The following AIG1 variants were observed in gnomAD, a reference collection of about 807,000 sequenced individuals.
The protein encoded by AIG1 is androgen-induced gene 1 protein.
AIG1 carries 23 observed loss-of-function variants against 31.4 expected under a neutral mutation model. The observed-to-expected ratio is 0.73, with a 90% CI of 0.53 to 1.04. The LOEUF (loss-of-function observed/expected upper bound fraction) is 1.04. Ranked by LOEUF, AIG1 falls within the 50% of genes least tolerant of loss-of-function variation. The probability of loss-of-function intolerance (pLI) is 0.00; values close to 1 mark genes in which losing one functional copy is unlikely to be tolerated. For missense variants in AIG1, 274 were observed against 295.0 expected (o/e 0.93, Z 0.52); for synonymous variants, 100 against 110.5 (o/e 0.90, Z 0.60).
intron 5 of AIG1, 116 bp from the exon 6 acceptor site, chr6:143,339,523 A>G: frequency 2.0e-6 from 2 of 1,021,016 alleles, no homozygotes; most frequent in Non-Finnish European, 2.9e-6. Flanking sequence ...AGGAGGGTGA[A>G]TGGGAGAAGT....
At chr6:143,158,658 G>A (rs956734840) in intron 2 of AIG1, among the ~76,000 whole-genome samples, 5 of 152,126 alleles carry the variant, frequency 3.3e-5, no homozygotes, top group Non-Finnish European at 7.3e-5. Context: ...GGTGAGGGAC[G>A]AGCTATCTCA....
intron 3 of AIG1, among the ~76,000 whole-genome samples, chr6:143,278,030 A>G (rs890112159): frequency 2.6e-5 from 4 of 152,232 alleles, no homozygotes; most frequent in Admixed American, 2.6e-4. Flanking sequence ...GATTATTCCA[A>G]AACTTCTCTG....
At chr6:143,315,834 C>G (rs1349247549) in intron 4 of AIG1, among the ~76,000 whole-genome samples, 1 of 151,968 alleles carries the variant, frequency 6.6e-6, no homozygotes, top group Non-Finnish European at 1.5e-5. Flanking sequence ...GTTACATAAT[C>G]ATAATAATCA....
chr6:143,190,539 A>G (rs1310887942), intron 3 of AIG1: 32 of 985,028 alleles, frequency 3.2e-5, no homozygotes, highest in Non-Finnish European at 3.9e-5. Flanking sequence ...CTTTTTAAGA[A>G]TCATATGAGA....
chr6:143,089,505 T>G (rs2128474830), intron 1 of AIG1, among the ~76,000 whole-genome samples: 1 of 152,306 alleles, frequency 6.6e-6, no homozygotes. Flanking sequence ...ATAGGATTGT[T>G]GTGAGGATTA....
chr6:143,071,994 A>G (rs1278737604), intron 1 of AIG1, among the ~76,000 whole-genome samples: 3 of 151,272 alleles, frequency 2.0e-5, no homozygotes, highest in Non-Finnish European at 4.4e-5. Context: ...GCTTTGCTGC[A>G]TTACCCAGGC....
intron 3 of AIG1, among the ~76,000 whole-genome samples, chr6:143,218,675 T>G (rs188299386): frequency 6.6e-6 from 1 of 152,300 alleles, no homozygotes; most frequent in Non-Finnish European, 1.5e-5. Context: ...TGATACAAGA[T>G]GGCGATTCTT....
At chr6:143,172,153 T>C (rs893503893) in intron 3 of AIG1, among the ~76,000 whole-genome samples, 5 of 152,200 alleles carry the variant, frequency 3.3e-5, no homozygotes, top group African/African-American at 9.7e-5. Flanking sequence ...ACTCTGTTGA[T>C]TGTTTCTTTT....
intron 1 of AIG1, among the ~76,000 whole-genome samples, chr6:143,130,228 T>G (rs555430611): frequency 6.6e-6 from 1 of 152,060 alleles, no homozygotes; most frequent in East Asian, 1.9e-4. Flanking sequence ...CGCGCCCTGC[T>G]GATAGATACT....
At chr6:143,068,630 A>G (rs1583053692) in intron 1 of AIG1, among the ~76,000 whole-genome samples, 2 of 152,380 alleles carry the variant, frequency 1.3e-5, no homozygotes, top group African/African-American at 2.4e-5. Context: ...CATACTTATT[A>G]TAGAAAATTT....
chr6:143,167,362 G>A (rs1199128604), intron 3 of AIG1, among the ~76,000 whole-genome samples: 1 of 152,170 alleles, frequency 6.6e-6, no homozygotes, highest in Non-Finnish European at 1.5e-5. Flanking sequence ...GTATTAAAGG[G>A]AGACTCTTGA....
At chr6:143,272,576 A>G (rs930365601) in intron 3 of AIG1, among the ~76,000 whole-genome samples, 5 of 152,218 alleles carry the variant, frequency 3.3e-5, no homozygotes, top group Non-Finnish European at 7.3e-5. Flanking sequence ...TAACTGAGGA[A>G]GCATAGAAAT....
chr6:143,310,996 T>C (rs1200955244), intron 4 of AIG1, among the ~76,000 whole-genome samples: 2 of 151,956 alleles, frequency 1.3e-5, no homozygotes, highest in African/African-American at 4.8e-5. Context: ...ATGGCTTCAC[T>C]GGCAAATCCT....
chr6:143,134,176 A>G (rs187684244), intron 1 of AIG1, among the ~76,000 whole-genome samples: 130 of 152,174 alleles, frequency 8.5e-4, no homozygotes, highest in African/African-American at 3.0e-3. Context: ...AGTATGCCAA[A>G]TAACCAACTT....
intron 3 of AIG1, chr6:143,187,629 C>T (rs1366203798): frequency 1.3e-6 from 2 of 1,536,118 alleles, no homozygotes; most frequent in South Asian, 1.2e-5. Context: ...CTTTCTGCAG[C>T]ATTTCAAAGC....
At chr6:143,161,565 G>A (rs1335041407) in intron 2 of AIG1, among the ~76,000 whole-genome samples, 1 of 150,264 alleles carries the variant, frequency 6.7e-6, no homozygotes, top group South Asian at 2.1e-4. Context: ...GTGTGTGTGT[G>A]TGTACATATA....
chr6:143,182,276 C>G (rs113156583), intron 3 of AIG1, among the ~76,000 whole-genome samples: 1,880 of 152,264 alleles, frequency 0.012, 40 homozygotes, highest in African/African-American at 0.04. Context: ...TCAAGCAATC[C>G]TCCTGCCTCA....
chr6:143,219,134 C>T (rs1361142692), intron 3 of AIG1, among the ~76,000 whole-genome samples: 1 of 152,218 alleles, frequency 6.6e-6, no homozygotes, highest in Non-Finnish European at 1.5e-5. Context: ...TACTGGTTGA[C>T]ATAGAGCTGA....
At position 143,280,560 on chromosome 6, in the gene AIG1, C is replaced by T. The variant is rs548520822; in HGVS notation, c.400-3550C>T. On this transcript the variant is annotated intron_variant, in intron 3 of 5. Transcript: ENST00000357847. The surrounding 1 kb of genome is among the most constrained non-coding windows in gnomAD (Gnocchi z 4.1). Reference sequence around the variant, plus strand: ...GCAGCCGTAAAAAAGAGTGAGATCACGTCTTTTGCAGGAGCATGGATGGAG... The same window carrying T: ...GCAGCCGTAAAAAAGAGTGAGATCATGTCTTTTGCAGGAGCATGGATGGAG... Among the ~76,000 whole-genome samples the T allele has an allele frequency of 1.3e-5, 2 of 152,266 alleles. No individual in the cohort carries two copies. Among genetic ancestry groups the T allele is most frequent in the Non-Finnish European group, 1.5e-5 (1 of 68,022 alleles).
Sources: gnomAD v4.1 joint callset for allele counts (sites outside exome capture counted in the v4.1 genomes callset) on GRCh38, gnomAD v4.1.1 for gene constraint, Gnocchi (gnomAD v3.1) non-coding constraint, MANE v1.5 for transcripts, NCBI Gene and HGNC (gene_info 2026-07-23, HGNC 2026-07-21) for gene names.